The following ARHGAP22 variants were observed in gnomAD, a reference collection of about 807,000 sequenced individuals.
The protein encoded by ARHGAP22 is Rho GTPase activating protein 22, also known as rho GTPase-activating protein 22.
In ARHGAP22, 48 loss-of-function variants were observed where a neutral mutation model predicts 59.1. The observed-to-expected ratio is 0.81, with a 90% CI of 0.64 to 1.03. The LOEUF is 1.03. ARHGAP22 is among the 50% of genes least tolerant of loss of function. ARHGAP22 has a pLI of 0.00. For synonymous variants in ARHGAP22, 445 were observed against 416.4 expected (o/e 1.07, Z -0.84); for missense variants, 1,015 against 958.7 (o/e 1.06, Z -0.78).
At chr10:48,482,579 T>C (rs1312669544) in intron 3 of ARHGAP22, among the ~76,000 whole-genome samples, 1 of 152,250 alleles carries the variant, frequency 6.6e-6, no homozygotes, top group East Asian at 1.9e-4. Context: ...GTCTATCTGC[T>C]ATAGGCTGTT....
chr10:48,498,081 A>G (rs998263154), intron 3 of ARHGAP22, among the ~76,000 whole-genome samples: 3 of 152,134 alleles, frequency 2.0e-5, no homozygotes, highest in African/African-American at 7.2e-5. Context: ...CCGGTCCCCA[A>G]CTTGCATAAG....
intron 1 of ARHGAP22, among the ~76,000 whole-genome samples, chr10:48,648,497 C>A (rs936741284): frequency 1.3e-5 from 2 of 152,190 alleles, no homozygotes; most frequent in African/African-American, 4.8e-5. Context: ...TCTGGTCTGG[C>A]AGCATCAGCC....
intron 3 of ARHGAP22, among the ~76,000 whole-genome samples, chr10:48,516,576 C>G (rs1444518619): frequency 3.3e-5 from 5 of 152,068 alleles, no homozygotes; most frequent in Admixed American, 3.3e-4. Context: ...TGTTTGCCAA[C>G]AAATTAGATG....
intron 1 of ARHGAP22, among the ~76,000 whole-genome samples, chr10:48,611,706 C>T (rs1396656014): frequency 6.6e-6 from 1 of 151,990 alleles, no homozygotes; most frequent in Non-Finnish European, 1.5e-5. Context: ...TCACACCTCT[C>T]ACCACAGTCA....
the ARHGAP22 span, chr10:48,435,053 G>T: frequency 7.3e-6 from 8 of 1,095,494 alleles, no homozygotes; most frequent in Non-Finnish European, 9.1e-6. Flanking sequence ...CGGGGGGTGG[G>T]AGGGATGGGG....
chr10:48,648,721 A>C (rs1478793237), intron 1 of ARHGAP22, among the ~76,000 whole-genome samples: 3 of 152,230 alleles, frequency 2.0e-5, no homozygotes, highest in African/African-American at 7.2e-5. Context: ...CAGATCATGC[A>C]AACATCAGAG....
At chr10:48,577,721 C>CT (rs2058813548) in intron 2 of ARHGAP22, among the ~76,000 whole-genome samples, 1 of 148,068 alleles carries the variant, frequency 6.8e-6, no homozygotes, top group Non-Finnish European at 1.5e-5. Flanking sequence ...CAACTCCAGT[C>CT]TTACAGCTGA....
chr10:48,501,153 G>A (rs1020296495), intron 3 of ARHGAP22, among the ~76,000 whole-genome samples: 2 of 152,114 alleles, frequency 1.3e-5, no homozygotes, highest in Admixed American at 6.6e-5. Context: ...AAAAAATGAG[G>A]GTGTACTTTA....
chr10:48,610,499 C>A (rs2060841093), intron 1 of ARHGAP22, among the ~76,000 whole-genome samples: 1 of 152,210 alleles, frequency 6.6e-6, no homozygotes. Context: ...TTTGTTCCAA[C>A]CACTGTTGTA....
chr10:48,610,244 C>T (rs1252494924), intron 1 of ARHGAP22, among the ~76,000 whole-genome samples: 1 of 152,214 alleles, frequency 6.6e-6, no homozygotes, highest in Non-Finnish European at 1.5e-5. Flanking sequence ...TGGACTTCTA[C>T]CTATCTGGGG....
At chr10:48,589,028 C>T (rs79709289) in intron 1 of ARHGAP22, among the ~76,000 whole-genome samples, 1,998 of 152,252 alleles carry the variant, frequency 0.013, 36 homozygotes, top group African/African-American at 0.044. Flanking sequence ...CACATGACTG[C>T]GTGTGCCGAG....
intron 3 of ARHGAP22, among the ~76,000 whole-genome samples, chr10:48,494,883 T>C (rs2050763720): frequency 6.6e-6 from 1 of 152,176 alleles, no homozygotes; most frequent in Admixed American, 6.5e-5. Flanking sequence ...CTTTGCATTC[T>C]CTCAGGTGCT....
At chr10:48,528,880 T>C (rs1433956464) in intron 3 of ARHGAP22, among the ~76,000 whole-genome samples, 1 of 152,154 alleles carries the variant, frequency 6.6e-6, no homozygotes, top group Non-Finnish European at 1.5e-5. Context: ...CCTTCTGCCA[T>C]GATTGTAAAC....
chr10:48,472,131 CG>C (rs1464114520), intron 4 of ARHGAP22, among the ~76,000 whole-genome samples: 2 of 148,018 alleles, frequency 1.4e-5, no homozygotes, highest in African/African-American at 2.5e-5. Context: ...CGCTTGAACC[CG>C]GGGGGGAAGA....
At chr10:48,582,849 TG>T in intron 2 of ARHGAP22, 103 bp downstream of exon 2, 1 of 1,319,610 alleles carries the variant, frequency 7.6e-7, no homozygotes, top group Non-Finnish European at 1.1e-6. Context: ...ATCACTGTGA[TG>T]GAGTCAGTGG....
chr10:48,576,625 A>C (rs953314635), intron 2 of ARHGAP22, among the ~76,000 whole-genome samples: 1 of 152,036 alleles, frequency 6.6e-6, no homozygotes, highest in Non-Finnish European at 1.5e-5. Context: ...TTTTTTTTAC[A>C]ATGAAAGTTT....
Position 48,446,463 on chromosome 10 carries a change from CCTCTG to C in ARHGAP22, c.2020_2024del (p.Gln674GlyfsTer45). 2.5e-6 allele frequency: 4 copies of C among 1,614,206 alleles called. No individual in the cohort carries two copies. The highest frequency in any genetic ancestry group is 3.4e-6 in the Non-Finnish European group (4 of 1,180,036). Reference sequence around the variant, plus strand: ...GGGTCGAAAAAAACTCCTCCATTTCCCTCTGCAACAGCTGGTTCCTCCTCTCCGCA... The same window carrying C: ...GGGTCGAAAAAAACTCCTCCATTTCCCAACAGCTGGTTCCTCCTCTCCGCA... On this transcript the variant is annotated frameshift_variant, in exon 10 of 10. Transcript: ENST00000249601. LOFTEE classifies it high-confidence loss of function.
intron 3 of ARHGAP22, among the ~76,000 whole-genome samples, chr10:48,525,956 T>G (rs1377744444): frequency 2.6e-5 from 4 of 152,156 alleles, no homozygotes; most frequent in African/African-American, 7.2e-5. Flanking sequence ...TTACTTTGAT[T>G]GAGATAATTA....
intron 3 of ARHGAP22, among the ~76,000 whole-genome samples, chr10:48,491,061 C>T (rs138094947): frequency 1.1e-3 from 166 of 152,310 alleles, no homozygotes; most frequent in African/African-American, 3.8e-3. Flanking sequence ...CTTCCTTTAT[C>T]CCGACAATCT....
Sources: gnomAD v4.1 joint callset for allele counts (sites outside exome capture counted in the v4.1 genomes callset) on GRCh38, gnomAD v4.1.1 for gene constraint, MANE v1.5 for transcripts, NCBI Gene and HGNC (gene_info 2026-07-23, HGNC 2026-07-21) for gene names.